The following PRKD3 variants were observed in gnomAD, a reference collection of about 807,000 sequenced individuals.
The protein encoded by PRKD3 is serine/threonine-protein kinase D3.
PRKD3 carries 47 observed loss-of-function variants against 99.2 expected under a neutral mutation model. The ratio of observed to expected loss-of-function variants is 0.47; its 90% CI spans 0.38 to 0.60. The LOEUF (loss-of-function observed/expected upper bound fraction) is 0.60, where lower values mean the gene tolerates loss of function less well. PRKD3 is among the 20% of genes least tolerant of loss of function. PRKD3 has a pLI of 0.00. For missense variants in PRKD3, 1,019 were observed against 1,088.4 expected, an observed-to-expected ratio of 0.94 and a Z score of 0.90; for synonymous variants, 392 against 355.4, an observed-to-expected ratio of 1.10 and a Z score of -1.16.
At chr2:37,287,375 C>T (rs1413932677) in intron 5 of PRKD3, among the ~76,000 whole-genome samples, 2 of 151,546 alleles carry the variant, frequency 1.3e-5, no homozygotes, top group Non-Finnish European at 2.9e-5. Context: ...CCTTTTCTTC[C>T]CTTTTTTTTC....
rs11124574 is a variant in PRKD3, at chr2:37,272,146, T to C, written c.1704+234A>G. Among the ~76,000 whole-genome samples, 51,588 of 152,012 alleles carry C rather than the reference T, an allele frequency of 0.34. 9,656 individuals are homozygous for C. Among genetic ancestry groups the C allele is most frequent in the East Asian group, 0.44 (2,268 of 5,162 alleles). On this transcript the variant is annotated intron_variant, in intron 12 of 18. Transcript: ENST00000234179. Reference sequence around the variant, plus strand: ...CTGCCTTCTCTTTGAACCAGTCTTATCACTTTGTAACACTGTAATGTAACT... The same window carrying C: ...CTGCCTTCTCTTTGAACCAGTCTTACCACTTTGTAACACTGTAATGTAACT...
intron 1 of PRKD3, among the ~76,000 whole-genome samples, chr2:37,319,679 T>C (rs184009324): frequency 8.0e-4 from 121 of 151,990 alleles, no homozygotes; most frequent in Non-Finnish European, 4.0e-4. Context: ...AGCATCCGTC[T>C]GTATACTCCT....
intron 11 of PRKD3, among the ~76,000 whole-genome samples, chr2:37,273,448 C>T (rs1057355184): frequency 2.6e-5 from 4 of 152,122 alleles, no homozygotes; most frequent in Admixed American, 2.6e-4. Flanking sequence ...CTGAGATCTG[C>T]CTACTGTATT....
intron 13 of PRKD3, chr2:37,268,106 C>T: frequency 3.1e-6 from 1 of 322,432 alleles, no homozygotes; most frequent in Non-Finnish European, 6.1e-6. Context: ...CTAGGTATGC[C>T]TTTAGATGCT....
At chr2:37,320,276 T>A (rs1387082984) in intron 1 of PRKD3, among the ~76,000 whole-genome samples, 1 of 152,086 alleles carries the variant, frequency 6.6e-6, no homozygotes, top group Admixed American at 6.6e-5. Flanking sequence ...ACCACATTAT[T>A]CCATATCCAA....
chr2:37,303,639 T>C (rs1671036508), intron 2 of PRKD3, among the ~76,000 whole-genome samples: 1 of 151,958 alleles, frequency 6.6e-6, no homozygotes, highest in Non-Finnish European at 1.5e-5. Flanking sequence ...AGGTTGAGTG[T>C]GGCGGACTGA....
At chr2:37,315,869 T>C (rs560165082) in intron 2 of PRKD3, among the ~76,000 whole-genome samples, 2 of 152,290 alleles carry the variant, frequency 1.3e-5, no homozygotes, top group Admixed American at 6.5e-5. Context: ...GGACTACAGG[T>C]GCCTGCCACC....
At chr2:37,287,260 AAAAAAAAGAAAAAGAAAAAG>A (rs1670154759) in intron 5 of PRKD3, among the ~76,000 whole-genome samples, 21 of 139,464 alleles carry the variant, frequency 1.5e-4, no homozygotes, top group African/African-American at 6.4e-4. Context: ...AAAAAAAAAA[AAAAAAAAGAAAAAGAAAAAG>A]AAAAAGAAAA....
Position 37,254,189 on chromosome 2 carries a change from T to G in PRKD3, c.2499+15A>C. 1 of 1,581,914 alleles carries G rather than the reference T, an allele frequency of 6.3e-7. No individual in the cohort carries two copies. Among genetic ancestry groups the G allele is most frequent in the East Asian group, 2.2e-5 (1 of 44,686 alleles). ...CAAATGAGGATTGCCAAAGAGAGAT[T>G]ACATTTTTTTTTACCTGTAGCCAGG... is the stretch of plus-strand genomic sequence containing the variant. On this transcript the variant is annotated intron_variant, in intron 18 of 18. Transcript: ENST00000234179.
intron 5 of PRKD3, among the ~76,000 whole-genome samples, chr2:37,288,924 C>T (rs752661975): frequency 3.7e-4 from 57 of 152,124 alleles, no homozygotes; most frequent in Admixed American, 5.9e-4. Context: ...TGTAGTGGCA[C>T]GCATCTGTAA....
Position 37,316,517 on chromosome 2 carries a change from G to A in PRKD3, c.8C>T (p.Ala3Val). The A allele has an allele frequency of 1.9e-6, 3 of 1,612,562 alleles. No individual in the cohort carries two copies. The highest frequency in any genetic ancestry group is 2.5e-6 in the Non-Finnish European group (3 of 1,179,090). Residue 3 changes from alanine to valine, a missense_variant, in exon 2 of 19, where the codon GCA (alanine) becomes GTA (valine). By Grantham distance (64) the Ala-to-Val change is moderately conservative. Transcript: ENST00000234179. ...CTGGGCTGATGGAGGGGAATTATTTGCAGACATCTGCCTTTCTTTAATCTT... is the reference window on the plus strand; with the variant it reads ...CTGGGCTGATGGAGGGGAATTATTTACAGACATCTGCCTTTCTTTAATCTT... MS[A>V]NNSPPSAQKS...
chr2:37,312,055 GGTTT>G (rs2124893851), intron 2 of PRKD3, among the ~76,000 whole-genome samples: 1 of 152,192 alleles, frequency 6.6e-6, no homozygotes, highest in South Asian at 2.1e-4. Context: ...TTTAAAACTA[GGTTT>G]TTTTCTTTTT....
chr2:37,283,259 C>T (rs1669937114), intron 6 of PRKD3, among the ~76,000 whole-genome samples: 1 of 152,166 alleles, frequency 6.6e-6, no homozygotes, highest in African/African-American at 2.4e-5. Context: ...AATTCTTGCG[C>T]CCTATCCCAG....
At chr2:37,291,040 A>T in intron 3 of PRKD3, 41 bp from the exon 4 acceptor site, 2 of 1,539,186 alleles carry the variant, frequency 1.3e-6, no homozygotes, top group Non-Finnish European at 1.8e-6. Flanking sequence ...TTGTATTTGT[A>T]CTGCGATGAG....
Position 37,316,852 on chromosome 2 carries a change from C to T in PRKD3, c.-328G>A, listed in dbSNP as rs1671687604. 1 of 1,095,894 alleles carries T rather than the reference C, an allele frequency of 9.1e-7. No individual in the cohort carries two copies. Among genetic ancestry groups the T allele is most frequent in the South Asian group, 3.2e-5 (1 of 31,284 alleles). 67.9% of individuals were successfully genotyped at this position (1,095,894 alleles called of 1,614,324 possible). On this transcript the variant is annotated 5_prime_UTR_variant, in exon 2 of 19. Coordinates refer to ENST00000234179, the MANE Select transcript of PRKD3 (RefSeq NM_005813.6). ...CGTAGCTTATTTACGAATCTATTTT[C>T]CTTTCAGTCTGTACTTGTCTCTTTA...
intron 12 of PRKD3, among the ~76,000 whole-genome samples, chr2:37,271,985 T>C (rs1295374467): frequency 6.6e-6 from 1 of 152,230 alleles, no homozygotes; most frequent in Non-Finnish European, 1.5e-5. Flanking sequence ...AGTGCTCCTG[T>C]ACTTGCATGA....
intron 2 of PRKD3, among the ~76,000 whole-genome samples, chr2:37,312,820 T>C (rs1572702607): frequency 6.6e-6 from 1 of 152,284 alleles, no homozygotes; most frequent in South Asian, 2.1e-4. Context: ...TTGACGAAAA[T>C]GTGACCAGAG....
intron 2 of PRKD3, among the ~76,000 whole-genome samples, chr2:37,307,349 C>A (rs187541969): frequency 6.6e-6 from 1 of 152,258 alleles, no homozygotes; most frequent in African/African-American, 2.4e-5. Context: ...TCTAGAAGAA[C>A]CCCTGGCCTT....
In PRKD3 at chr2:37,316,267, C is replaced by A. The variant is rs765588238; in HGVS notation, c.258G>T (p.Lys86Asn). ...GATAAACTATGGAGCACACAAGATC[C>A]TTGACAGCAGATAAAGACAGTTCCT... ...EAQELSLSAVKDLVCSIVYQK... is the reference protein window; with the variant it reads ...EAQELSLSAVNDLVCSIVYQK... Residue 86 changes from lysine (K) to asparagine (N), a missense_variant, in exon 2 of 19, where the codon AAG becomes AAT. Lys to Asn is a moderately conservative substitution (Grantham distance 94, BLOSUM62 0). Transcript: ENST00000234179. 1 of 1,614,114 alleles carries A rather than the reference C, an allele frequency of 6.2e-7. No individual in the cohort carries two copies. Among genetic ancestry groups the A allele is most frequent in the East Asian group, 2.2e-5 (1 of 44,890 alleles).
Sources: allele counts gnomAD v4.1 joint callset (sites outside exome capture counted in the v4.1 genomes callset), GRCh38; gene constraint gnomAD v4.1.1; transcripts MANE v1.5; gene names NCBI Gene and HGNC (gene_info 2026-07-23, HGNC 2026-07-21).